Variants in GALNTL6 observed in about 807,000 individuals in gnomAD.
GALNTL6 encodes polypeptide N-acetylgalactosaminyltransferase-like 6.
Under a neutral mutation model 73.7 loss-of-function variants are expected in GALNTL6, and 46 were observed. The ratio of observed to expected loss-of-function variants is 0.62; its 90% CI spans 0.49 to 0.80. The LOEUF (loss-of-function observed/expected upper bound fraction) is 0.80, where lower values mean the gene tolerates loss of function less well. GALNTL6 is among the 30% of genes least tolerant of loss of function. GALNTL6 has a pLI of 0.00. For synonymous variants in GALNTL6, 259 were observed against 263.7 expected (o/e 0.98, Z 0.17); for missense variants, 604 against 755.0 (o/e 0.80, Z 2.34).
At chr4:172,654,901 C>A (rs759026902) in intron 5 of GALNTL6, among the ~76,000 whole-genome samples, 3 of 152,132 alleles carry the variant, frequency 2.0e-5, no homozygotes, top group Non-Finnish European at 4.4e-5. Context: ...ACCATTTAAT[C>A]CTCACGACGT....
At chr4:172,072,876 C>T (rs1343363735) in intron 2 of GALNTL6, among the ~76,000 whole-genome samples, 2 of 152,154 alleles carry the variant, frequency 1.3e-5, no homozygotes, top group African/African-American at 4.8e-5. Flanking sequence ...TAGAAGATTT[C>T]ATTTTCTTCC....
chr4:171,815,609 T>C (rs1437619457), intron 2 of GALNTL6: 4 of 152,226 alleles, frequency 2.6e-5, no homozygotes, highest in African/African-American at 9.6e-5. Flanking sequence ...CTTCATGATA[T>C]TGATAAACCA....
intron 5 of GALNTL6, among the ~76,000 whole-genome samples, chr4:172,724,713 C>G (rs1447624780): frequency 6.6e-6 from 1 of 151,994 alleles, no homozygotes; most frequent in Non-Finnish European, 1.5e-5. Flanking sequence ...TAGCCAAGTA[C>G]TAAAGAATCA....
At chr4:172,436,571 T>A (rs895530457) in intron 5 of GALNTL6, among the ~76,000 whole-genome samples, 14 of 152,154 alleles carry the variant, frequency 9.2e-5, no homozygotes, top group African/African-American at 3.4e-4. Context: ...TGGAGAAAAT[T>A]GTTGAAAACC....
intron 2 of GALNTL6, among the ~76,000 whole-genome samples, chr4:171,827,536 G>A (rs1734856798): frequency 6.6e-6 from 1 of 152,144 alleles, no homozygotes; most frequent in Non-Finnish European, 1.5e-5. Flanking sequence ...AATTTAGGTT[G>A]TTGACTCCCA....
chr4:172,260,107 G>T (rs1738206948), intron 3 of GALNTL6, among the ~76,000 whole-genome samples: 1 of 151,548 alleles, frequency 6.6e-6, no homozygotes, highest in Non-Finnish European at 1.5e-5. Flanking sequence ...TGAATTTTAG[G>T]ATTGTTTTTT....
chr4:171,944,942 C>T (rs946758654), intron 2 of GALNTL6, among the ~76,000 whole-genome samples: 3 of 151,732 alleles, frequency 2.0e-5, no homozygotes, highest in African/African-American at 7.3e-5. Flanking sequence ...TACCTAAAGC[C>T]TGCTCTAAGT....
At chr4:172,541,989 CA>C (rs1735565932) in intron 5 of GALNTL6, among the ~76,000 whole-genome samples, 1 of 151,888 alleles carries the variant, frequency 6.6e-6, no homozygotes, top group Non-Finnish European at 1.5e-5. Flanking sequence ...GAAGCAGCTA[CA>C]TTGTCTGAGG....
At chr4:172,643,530 A>T (rs1427889297) in intron 5 of GALNTL6, among the ~76,000 whole-genome samples, 1 of 151,992 alleles carries the variant, frequency 6.6e-6, no homozygotes, top group Non-Finnish European at 1.5e-5. Flanking sequence ...CTAGAATATT[A>T]CCAGCACACC....
At chr4:172,735,441 C>G (rs1411033012) in intron 5 of GALNTL6, among the ~76,000 whole-genome samples, 3 of 152,066 alleles carry the variant, frequency 2.0e-5, no homozygotes, top group Admixed American at 6.6e-5. Flanking sequence ...ATTGCCTATA[C>G]CCCCATTGTA....
chr4:172,334,068 C>T (rs1741226461), intron 4 of GALNTL6, among the ~76,000 whole-genome samples: 1 of 152,078 alleles, frequency 6.6e-6, no homozygotes, highest in Admixed American at 6.6e-5. Flanking sequence ...ATACCAATAC[C>T]AGTGCTATTT....
chr4:172,002,360 G>T (rs545578916), intron 2 of GALNTL6, among the ~76,000 whole-genome samples: 2 of 152,178 alleles, frequency 1.3e-5, no homozygotes, highest in Non-Finnish European at 2.9e-5. Context: ...GAAATAGTGA[G>T]CACAGAGTGA....
intron 10 of GALNTL6, among the ~76,000 whole-genome samples, chr4:172,977,163 G>T (rs888517076): frequency 6.6e-6 from 1 of 152,208 alleles, no homozygotes; most frequent in Non-Finnish European, 1.5e-5. Context: ...CACAGACGAA[G>T]AGGCTGTTTC....
At chr4:172,176,325 G>A (rs560887171) in intron 2 of GALNTL6, among the ~76,000 whole-genome samples, 44 of 7,552 alleles carry the variant, frequency 5.8e-3, no homozygotes, top group African/African-American at 0.013. Flanking sequence ...GGGCGACAGC[G>A]AGACTCCGTC....
chr4:172,696,750 T>G (rs192997149), intron 5 of GALNTL6, among the ~76,000 whole-genome samples: 1 of 152,310 alleles, frequency 6.6e-6, no homozygotes, highest in Admixed American at 6.5e-5. Flanking sequence ...CTATCCTTTA[T>G]AAATAACCCA....
intron 5 of GALNTL6, among the ~76,000 whole-genome samples, chr4:172,400,612 A>T (rs1024602780): frequency 6.6e-6 from 1 of 152,146 alleles, no homozygotes; most frequent in Admixed American, 6.6e-5. Context: ...CATCATGTTT[A>T]GAAGGTGATG....
chr4:172,133,319 A>G (rs532353194), intron 2 of GALNTL6, among the ~76,000 whole-genome samples: 7 of 152,346 alleles, frequency 4.6e-5, no homozygotes, highest in African/African-American at 1.4e-4. Flanking sequence ...GTACATTAGT[A>G]TAAACCAATC....
At chr4:172,939,326 C>G (rs1748795294) in intron 9 of GALNTL6, among the ~76,000 whole-genome samples, 1 of 152,118 alleles carries the variant, frequency 6.6e-6, no homozygotes, top group Non-Finnish European at 1.5e-5. Flanking sequence ...TAAAATATAA[C>G]ACCCTCTACT....
intron 7 of GALNTL6, among the ~76,000 whole-genome samples, chr4:172,855,733 A>G (rs1323196288): frequency 6.6e-6 from 1 of 152,126 alleles, no homozygotes; most frequent in Admixed American, 6.5e-5. Context: ...ACACCCCAGA[A>G]TTTCCTCAGC....
Sources: gnomAD v4.1 joint callset for allele counts (sites outside exome capture counted in the v4.1 genomes callset) on GRCh38, gnomAD v4.1.1 for gene constraint, MANE v1.5 for transcripts, NCBI Gene and HGNC (gene_info 2026-07-23, HGNC 2026-07-21) for gene names.